The following ADAMTSL1 variants were observed in gnomAD, a reference collection of about 807,000 sequenced individuals.
ADAMTSL1 encodes the protein ADAMTS like 1, also known as ADAMTS-like protein 1.
Under a neutral mutation model 201.8 loss-of-function variants are expected in ADAMTSL1, and 126 were observed. The observed-to-expected ratio is 0.62, with a 90% CI of 0.54 to 0.72. ADAMTSL1 has a LOEUF of 0.72. ADAMTSL1 is among the 30% of genes least tolerant of loss of function. The probability of loss-of-function intolerance (pLI) is 0.00; values close to 1 mark genes in which losing one functional copy is unlikely to be tolerated. For missense variants in ADAMTSL1, 2,679 were observed against 2,277.8 expected (o/e 1.18, Z -3.59); for synonymous variants, 1,121 against 903.4 (o/e 1.24, Z -4.32).
intron 2 of ADAMTSL1, among the ~76,000 whole-genome samples, chr9:18,186,223 A>G (rs190360341): frequency 6.8e-4 from 104 of 151,830 alleles, no homozygotes; most frequent in African/African-American, 2.4e-3. Flanking sequence ...ATTGTAAGGT[A>G]TGAGAGGAAG....
Position 18,092,793 on chromosome 9 carries a change from A to G in ADAMTSL1, c.88-71069A>G, listed in dbSNP as rs375539012. Among the ~76,000 whole-genome samples, 466 of 152,304 alleles carry G rather than the reference A, an allele frequency of 3.1e-3. 11 individuals are homozygous for G. The South Asian group carries it at 0.045, about 15-fold the overall frequency. ...CACACTTGCACTTAATGAAATAGACATTTTTCAAACTGTTTCTTTAGAGCT... is the reference window on the plus strand; with the variant it reads ...CACACTTGCACTTAATGAAATAGACGTTTTTCAAACTGTTTCTTTAGAGCT... On this transcript the variant is annotated intron_variant, in intron 1 of 29. Coordinates refer to the ADAMTSL1 transcript ENST00000680146.
chr9:18,772,090 G>A (rs1820725423), intron 17 of ADAMTSL1, among the ~76,000 whole-genome samples: 1 of 152,092 alleles, frequency 6.6e-6, no homozygotes, highest in Non-Finnish European at 1.5e-5. Flanking sequence ...GTGTACATTT[G>A]TGTGTGTGTG....
chr9:18,445,168 G>A (rs1820142967), intron 2 of ADAMTSL1, among the ~76,000 whole-genome samples: 1 of 152,078 alleles, frequency 6.6e-6, no homozygotes, highest in Non-Finnish European at 1.5e-5. Flanking sequence ...AATTCTTCTC[G>A]ATTGTTCTGA....
At chr9:18,692,932 G>T (rs1389158565) in intron 13 of ADAMTSL1, among the ~76,000 whole-genome samples, 1 of 152,162 alleles carries the variant, frequency 6.6e-6, no homozygotes, top group Non-Finnish European at 1.5e-5. Context: ...AAAGCAAAGA[G>T]AAAGAAAGAT....
At chr9:18,742,852 T>G (rs1818921648) in intron 15 of ADAMTSL1, among the ~76,000 whole-genome samples, 1 of 152,112 alleles carries the variant, frequency 6.6e-6, no homozygotes, top group Non-Finnish European at 1.5e-5. Context: ...AATATGGTAT[T>G]AGAGAAGAAA....
chr9:18,428,345 T>G (rs2133389864), intron 2 of ADAMTSL1, among the ~76,000 whole-genome samples: 1 of 149,178 alleles, frequency 6.7e-6, no homozygotes, highest in African/African-American at 2.5e-5. Context: ...ATCTATAAAT[T>G]CCAGCACCTT....
intron 1 of ADAMTSL1, among the ~76,000 whole-genome samples, chr9:17,987,080 G>A (rs1588528227): frequency 6.6e-6 from 1 of 152,044 alleles, no homozygotes; most frequent in Non-Finnish European, 1.5e-5. Context: ...CATGGACTTA[G>A]TGAGAATAAC....
intron 2 of ADAMTSL1, among the ~76,000 whole-genome samples, chr9:18,505,227 T>G (rs1331465102): frequency 1.3e-5 from 2 of 152,236 alleles, no homozygotes; most frequent in Admixed American, 1.3e-4. Context: ...TGTTATCTGT[T>G]TTCATGTTAG....
At position 17,922,072 on chromosome 9, in the gene ADAMTSL1, T is replaced by C. The variant is rs537783255; in HGVS notation, c.87+15150T>C. On this transcript the variant is annotated intron_variant, in intron 1 of 29. Coordinates refer to the ADAMTSL1 transcript ENST00000680146. ...TATTAAAAATGTATTCTCTAAGGTGTGATTGCAGTTCAGGCTTTTTTTTTT... is the reference window on the plus strand; with the variant it reads ...TATTAAAAATGTATTCTCTAAGGTGCGATTGCAGTTCAGGCTTTTTTTTTT... 6.8e-5 allele frequency among the ~76,000 whole-genome samples: 9 copies of C among 132,442 alleles called. No individual in the cohort carries two copies. In the East Asian group the frequency reaches 1.6e-3, roughly 24 times the overall value. 86.9% of individuals were successfully genotyped at this position (132,442 alleles called of 152,430 possible). A position where few individuals can be genotyped will look rare whatever the true frequency, so the allele number is the denominator to read the frequency against.
At chr9:18,043,626 G>T (rs979726452) in intron 1 of ADAMTSL1, among the ~76,000 whole-genome samples, 1 of 152,022 alleles carries the variant, frequency 6.6e-6, no homozygotes, top group Non-Finnish European at 1.5e-5. Flanking sequence ...CTAGAGGGAA[G>T]ATATGGCCAG....
intron 20 of ADAMTSL1, among the ~76,000 whole-genome samples, chr9:18,805,551 C>A (rs1162540211): frequency 6.6e-6 from 1 of 152,208 alleles, no homozygotes; most frequent in East Asian, 1.9e-4. Context: ...CATTTACTTA[C>A]TCCTCTCAGC....
At chr9:18,570,859 CT>C (rs1189518356) in intron 3 of ADAMTSL1, among the ~76,000 whole-genome samples, 2 of 152,190 alleles carry the variant, frequency 1.3e-5, no homozygotes, top group Non-Finnish European at 2.9e-5. Flanking sequence ...AAGCATTATT[CT>C]TCTCAGACCT....
At chr9:18,239,681 G>C (rs879311569) in intron 2 of ADAMTSL1, among the ~76,000 whole-genome samples, 1 of 152,082 alleles carries the variant, frequency 6.6e-6, no homozygotes, top group Non-Finnish European at 1.5e-5. Context: ...CCAAGAGGCA[G>C]GGGTTGCAGT....
At chr9:18,797,527 A>C (rs1275834581) in intron 20 of ADAMTSL1, among the ~76,000 whole-genome samples, 1 of 152,182 alleles carries the variant, frequency 6.6e-6, no homozygotes, top group East Asian at 1.9e-4. Context: ...ATTGGGAGAA[A>C]GTTGCAATTT....
At chr9:18,435,328 A>G (rs1819678555) in intron 2 of ADAMTSL1, among the ~76,000 whole-genome samples, 1 of 152,216 alleles carries the variant, frequency 6.6e-6, no homozygotes, top group African/African-American at 2.4e-5. Flanking sequence ...GCAAATATTC[A>G]TTTATTTGTC....
At chr9:18,681,768 A>C (rs759293431) in intron 11 of ADAMTSL1, 44 bp from the exon 12 acceptor site, 1 of 1,480,470 alleles carries the variant, frequency 6.8e-7, no homozygotes, top group East Asian at 2.5e-5. Flanking sequence ...AAAGTAAACA[A>C]GGCTTTGCCT....
chr9:18,317,148 A>G (rs1483726161), intron 2 of ADAMTSL1, among the ~76,000 whole-genome samples: 1 of 152,166 alleles, frequency 6.6e-6, no homozygotes, highest in Non-Finnish European at 1.5e-5. Context: ...ATACCGTATG[A>G]TCTTACTTAT....
intron 16 of ADAMTSL1, among the ~76,000 whole-genome samples, chr9:18,758,561 T>C (rs1169676251): frequency 5.3e-5 from 8 of 152,160 alleles, no homozygotes; most frequent in African/African-American, 1.7e-4. Flanking sequence ...TATGCTTCCT[T>C]GGCTCATGGC....
chr9:18,477,264 T>C (rs931879393), intron 1 of ADAMTSL1, among the ~76,000 whole-genome samples: 29 of 152,230 alleles, frequency 1.9e-4, no homozygotes, highest in African/African-American at 6.0e-4. Context: ...CAAATTTGCA[T>C]TTGCCTTTTG....
Sources: gnomAD v4.1 joint callset for allele counts (sites outside exome capture counted in the v4.1 genomes callset) on GRCh38, gnomAD v4.1.1 for gene constraint, MANE v1.5 for transcripts, NCBI Gene and HGNC (gene_info 2026-07-23, HGNC 2026-07-21) for gene names.